Variants in ZFAT observed in about 807,000 individuals in gnomAD.
ZFAT encodes zinc finger and AT-hook domain containing.
In ZFAT, 64 loss-of-function variants were observed where a neutral mutation model predicts 117.7. That is an observed-to-expected ratio of 0.54 (90% CI 0.44 to 0.67). ZFAT has a LOEUF of 0.67. ZFAT is among the 30% of genes least tolerant of loss of function. The probability of loss-of-function intolerance (pLI) is 0.00; values close to 1 mark genes in which losing one functional copy is unlikely to be tolerated. For missense variants in ZFAT, 1,433 were observed against 1,584.5 expected, an observed-to-expected ratio of 0.90 and a Z score of 1.62; for synonymous variants, 679 against 615.0, an observed-to-expected ratio of 1.10 and a Z score of -1.54.
chr8:134,584,281 T>A (rs1291560628), intron 9 of ZFAT, among the ~76,000 whole-genome samples: 1 of 152,132 alleles, frequency 6.6e-6, no homozygotes, highest in East Asian at 1.9e-4. Context: ...CCTTCCCTGG[T>A]AGATTTCCCT....
At chr8:134,668,896 A>G (rs906871243) in intron 1 of ZFAT, among the ~76,000 whole-genome samples, 2 of 152,240 alleles carry the variant, frequency 1.3e-5, no homozygotes, top group Non-Finnish European at 2.9e-5. Flanking sequence ...ATGAGTGTAG[A>G]GAAGTCCTTA....
intron 5 of ZFAT, among the ~76,000 whole-genome samples, chr8:134,605,679 G>A (rs907162878): frequency 1.3e-5 from 2 of 152,176 alleles, no homozygotes; most frequent in Admixed American, 1.3e-4. Context: ...GGTGCTCATG[G>A]CTCATTTTCC....
intron 1 of ZFAT, chr8:134,696,644 G>A: frequency 1.0e-6 from 1 of 977,932 alleles, no homozygotes; most frequent in Non-Finnish European, 1.2e-6. Flanking sequence ...CTGCCCAGGT[G>A]GGACAGGGCA....
At chr8:134,548,631 G>T (rs563266434) in intron 11 of ZFAT, among the ~76,000 whole-genome samples, 1 of 152,186 alleles carries the variant, frequency 6.6e-6, no homozygotes. Flanking sequence ...TTCACAAAAT[G>T]TAAGTGCTGG....
the ZFAT span, among the ~76,000 whole-genome samples, chr8:134,722,180 G>A: frequency 2.0e-5 from 3 of 152,194 alleles, no homozygotes; most frequent in Admixed American, 6.5e-5. Flanking sequence ...CAATGGCAAC[G>A]GGACAGAGCC....
intron 2 of ZFAT, among the ~76,000 whole-genome samples, chr8:134,653,430 T>G (rs1285702689): frequency 1.4e-5 from 2 of 138,854 alleles, no homozygotes; most frequent in African/African-American, 5.3e-5. Context: ...TTTTTTTTTT[T>G]TTTTTTTTTT....
chr8:134,549,052 G>A (rs1822922369), intron 11 of ZFAT, among the ~76,000 whole-genome samples: 1 of 152,206 alleles, frequency 6.6e-6, no homozygotes, highest in Middle Eastern at 3.4e-3. Context: ...GAACTCCAAG[G>A]CCCATTATCT....
At chr8:134,791,727 T>A in the ZFAT span, among the ~76,000 whole-genome samples, 30 of 152,180 alleles carry the variant, frequency 2.0e-4, no homozygotes, top group Non-Finnish European at 1.0e-4. Context: ...ATAATCCAAA[T>A]AAAACTTTGA....
chr8:134,486,701 G>A (rs1817679057), intron 15 of ZFAT, among the ~76,000 whole-genome samples: 1 of 152,192 alleles, frequency 6.6e-6, no homozygotes, highest in Admixed American at 6.5e-5. Flanking sequence ...AGGACGGAAT[G>A]CAGAAAGCCA....
chr8:134,611,576 G>A (rs1381780535), intron 3 of ZFAT, among the ~76,000 whole-genome samples: 2 of 152,216 alleles, frequency 1.3e-5, no homozygotes, highest in Non-Finnish European at 2.9e-5. Context: ...CAGGCCTGGG[G>A]AGGGGGAGAA....
At chr8:134,778,384 T>A in the ZFAT span, among the ~76,000 whole-genome samples, 54 of 152,208 alleles carry the variant, frequency 3.5e-4, no homozygotes, top group African/African-American at 1.3e-3. Flanking sequence ...CAAATCCCAA[T>A]CCAGCCGGCT....
chr8:134,478,790 C>T lies in ZFAT; in HGVS notation c.3493-69G>A, dbSNP rs900565648. ...CCGGTCCAGCGTAACAACAAAGTCA[C>T]AACTACAGTTTAGGAGGCACCAGTG... On this transcript the variant is annotated intron_variant, in intron 15 of 15. Coordinates refer to ENST00000377838, the MANE Select transcript of ZFAT (RefSeq NM_020863.4). The surrounding 1 kb of genome is among the most constrained non-coding windows in gnomAD (Gnocchi z 5.2). 2 of 1,512,504 alleles carry T rather than the reference C, an allele frequency of 1.3e-6. No homozygotes were observed. The highest frequency in any genetic ancestry group is 1.8e-6 in the Non-Finnish European group (2 of 1,129,942). The allele number at this position is 1,512,504 out of a possible 1,614,324, so 93.7% of individuals were successfully genotyped here.
At chr8:134,584,692 A>G (rs1214415560) in intron 9 of ZFAT, among the ~76,000 whole-genome samples, 1 of 150,650 alleles carries the variant, frequency 6.6e-6, no homozygotes, top group Non-Finnish European at 1.5e-5. Flanking sequence ...CATAGAGAAG[A>G]GTGAATCCCA....
chr8:134,828,318 GCCCAGTAT>G, the ZFAT span, among the ~76,000 whole-genome samples: 1 of 152,128 alleles, frequency 6.6e-6, no homozygotes, highest in East Asian at 1.9e-4. Context: ...ATGAAACCGT[GCCCAGTAT>G]CCCGAAGTTG....
intron 3 of ZFAT, among the ~76,000 whole-genome samples, chr8:134,629,893 G>A (rs1829769956): frequency 6.6e-6 from 1 of 152,194 alleles, no homozygotes; most frequent in African/African-American, 2.4e-5. Flanking sequence ...ATGCTCTTCT[G>A]AGCCAAGGTG....
rs1563742806 is a variant in ZFAT at position 134,664,910 on chromosome 8, A to G, written c.20-7173T>C. On this transcript the variant is annotated intron_variant, in intron 1 of 15. Transcript: ENST00000377838. ...CATATTCAGCACAAAGAAAATCACGAAAGTTTGGGGTTTGAGCATTCAATT... is the reference window on the plus strand; with the variant it reads ...CATATTCAGCACAAAGAAAATCACGGAAGTTTGGGGTTTGAGCATTCAATT... Among the ~76,000 whole-genome samples, 4 of 152,248 alleles carry G rather than the reference A, an allele frequency of 2.6e-5. 1 individual carries two copies. Among genetic ancestry groups the G allele is most frequent in the Admixed American group, 2.0e-4 (3 of 15,294 alleles).
At chr8:134,486,645 G>A (rs1336685239) in intron 15 of ZFAT, among the ~76,000 whole-genome samples, 1 of 152,158 alleles carries the variant, frequency 6.6e-6, no homozygotes, top group Non-Finnish European at 1.5e-5. Flanking sequence ...AACCTGCTGG[G>A]AGGCAGCCCC....
intron 10 of ZFAT, among the ~76,000 whole-genome samples, chr8:134,574,447 C>T (rs9987094): frequency 0.19 from 29,316 of 151,636 alleles, 2,986 homozygotes; most frequent in Middle Eastern, 0.24. Flanking sequence ...TTTCTTACTA[C>T]AGCCTCATCT....
At chr8:134,491,390 C>CA (rs1773828991) in intron 15 of ZFAT, among the ~76,000 whole-genome samples, 1 of 152,212 alleles carries the variant, frequency 6.6e-6, no homozygotes, top group African/African-American at 2.4e-5. Flanking sequence ...CACCTGACCA[C>CA]ATTGTTAGGT....
Sources: allele counts gnomAD v4.1 joint callset (sites outside exome capture counted in the v4.1 genomes callset), GRCh38; gene constraint gnomAD v4.1.1; non-coding constraint Gnocchi (gnomAD v3.1); transcripts MANE v1.5; gene names NCBI Gene and HGNC (gene_info 2026-07-23, HGNC 2026-07-21).